The following GHRH variants were observed in gnomAD, a reference collection of about 807,000 sequenced individuals.
GHRH encodes somatoliberin.
Under a neutral mutation model 15.6 loss-of-function variants are expected in GHRH, and 7 were observed. The ratio of observed to expected loss-of-function variants is 0.45; its 90% CI spans 0.26 to 0.84. The LOEUF is 0.84. GHRH is among the 40% of genes least tolerant of loss of function. The pLI is 0.18. For missense variants in GHRH, 117 were observed against 138.0 expected (o/e 0.85, Z 0.76); for synonymous variants, 54 against 50.4 (o/e 1.07, Z -0.30).
intron 4 of GHRH, among the ~76,000 whole-genome samples, chr20:37,251,668 C>G (rs969278757): frequency 2.6e-5 from 4 of 152,184 alleles, no homozygotes; most frequent in Admixed American, 2.0e-4. Flanking sequence ...CCTGCTATGC[C>G]TCTGGTCCAG....
chr20:37,257,542 T>G lies in GHRH; in HGVS notation c.-19-634A>C, dbSNP rs567897480. Among the ~76,000 whole-genome samples the G allele has an allele frequency of 2.1e-3, 322 of 150,246 alleles. 1 individual carries two copies. The highest frequency in any genetic ancestry group is 3.7e-3 in the Non-Finnish European group (253 of 67,552). ...AAAAAAAAAAAAAAATTTAAATAAATAGAATAAATGGGATCCCTTAGCAAG... is the reference window on the plus strand; with the variant it reads ...AAAAAAAAAAAAAAATTTAAATAAAGAGAATAAATGGGATCCCTTAGCAAG... On this transcript the variant is annotated intron_variant, in intron 1 of 4. Transcript: ENST00000373614.
In GHRH at chr20:37,251,172, TGCATTTTG is replaced by T; in HGVS notation, c.*33_*40del. ...AATGAGAGGATTAACTGGATCCAGT[TGCATTTTG>T]GCTACAGGTAGCCCGGGTCACAGGA... On this transcript the variant is annotated 3_prime_UTR_variant, in exon 5 of 5. Transcript: ENST00000373614. 6.7e-7 allele frequency: 1 copy of T among 1,503,334 alleles called. No homozygotes were observed. The highest frequency in any genetic ancestry group is 2.4e-5 in the East Asian group (1 of 42,298). The allele number at this position is 1,503,334 out of a possible 1,614,324, so 93.1% of individuals were successfully genotyped here.
chr20:37,256,279 G>A (rs1434280993), intron 3 of GHRH, 115 bp downstream of exon 3: 3 of 604,252 alleles, frequency 5.0e-6, no homozygotes, highest in African/African-American at 3.7e-5. Flanking sequence ...GTCCAGAAAT[G>A]ACACTTGCTG....
intron 3 of GHRH, among the ~76,000 whole-genome samples, chr20:37,255,822 G>A (rs145848043): frequency 2.4e-4 from 37 of 152,208 alleles, no homozygotes; most frequent in African/African-American, 8.9e-4. Context: ...TTGAGGCCAG[G>A]AGTTCGAGAC....
chr20:37,255,099 C>G (rs1467714836), intron 3 of GHRH, among the ~76,000 whole-genome samples: 4 of 152,100 alleles, frequency 2.6e-5, no homozygotes, highest in Admixed American at 2.6e-4. Context: ...GCAATTTACT[C>G]TCCAATGGTT....
At position 37,251,220 on chromosome 20, in the gene GHRH, T is replaced by C; in HGVS notation, c.320A>G (p.Gln107Arg). ...ALLQKHSRNS[Q>R]G is the part of the protein sequence containing the mutation. ...GGGTCACAGGAGGAATCTTCATCCC[T>C]GGGAGTTCCTGCTGCAGAAAGAAAG... Residue 107 changes from glutamine to arginine, a missense_variant, in exon 5 of 5, where the codon CAG becomes CGG. Coordinates refer to ENST00000373614, the MANE Select transcript of GHRH (RefSeq NM_021081.6). 6.2e-7 allele frequency: 1 copy of C among 1,602,144 alleles called. No homozygotes were observed. Among genetic ancestry groups the C allele is most frequent in the Non-Finnish European group, 8.5e-7 (1 of 1,174,874 alleles).
chr20:37,258,183 A>T lies in GHRH; in HGVS notation c.-19-1275T>A, dbSNP rs540876053. 2.0e-5 allele frequency among the ~76,000 whole-genome samples: 3 copies of T among 152,340 alleles called. No homozygotes were observed. Among genetic ancestry groups the T allele is most frequent in the Non-Finnish European group, 4.4e-5 (3 of 68,022 alleles). ...CAGCCCAGACCTGCCCAAGCATGGAAACACGGCTGGCCTCGGGGGACTTGG... is the reference window on the plus strand; with the variant it reads ...CAGCCCAGACCTGCCCAAGCATGGATACACGGCTGGCCTCGGGGGACTTGG... On this transcript the variant is annotated intron_variant, in intron 1 of 4. Transcript: ENST00000373614. This position sits in a 1 kb window ranked among gnomAD's most constrained non-coding sequence, Gnocchi z 4.1.
rs2068657613 is a variant in GHRH at position 37,256,618 on chromosome 20, A to G, written c.84-120T>C. The G allele has an allele frequency of 4.1e-6, 3 of 738,896 alleles. No individual in the cohort carries two copies. The Admixed American group carries it at 7.5e-5, about 19-fold the overall frequency. 45.8% of individuals were successfully genotyped at this position (738,896 alleles called of 1,614,324 possible). A position where few individuals can be genotyped will look rare whatever the true frequency, so the allele number is the denominator to read the frequency against. ...GTTGCCATCTGTCCCACTCACCCCA[A>G]GAGAGACTCAGACCCCTCTGAGTGA... is the stretch of plus-strand genomic sequence containing the variant. On this transcript the variant is annotated intron_variant, in intron 2 of 4. Transcript: ENST00000373614.
At chr20:37,253,757 C>CT (rs374285264) in intron 4 of GHRH, among the ~76,000 whole-genome samples, 6 of 152,028 alleles carry the variant, frequency 3.9e-5, no homozygotes, top group African/African-American at 9.7e-5. Context: ...AGTTCTTCTT[C>CT]TTTTTTTATT....
chr20:37,251,377 A>T lies in GHRH; in HGVS notation c.309-146T>A, dbSNP rs931236454. The T allele has an allele frequency of 5.0e-6, 3 of 595,756 alleles. No homozygotes were observed. In the Admixed American group the frequency reaches 1.1e-4, roughly 22 times the overall value. The allele number at this position is 595,756 out of a possible 1,614,324, so 36.9% of individuals were successfully genotyped here. A position where few individuals can be genotyped will look rare whatever the true frequency, so the allele number is the denominator to read the frequency against. On this transcript the variant is annotated intron_variant, in intron 4 of 4. Coordinates refer to ENST00000373614, the MANE Select transcript of GHRH (RefSeq NM_021081.6). ...GAGGCAGTGTGGGGTGGAGGGAAGG[A>T]TGCGCAAGCATGCCAGCAAGGCGAG...
chr20:37,254,169 C>T (rs771652853), intron 4 of GHRH, 41 bp downstream of exon 4: 2 of 1,611,428 alleles, frequency 1.2e-6, no homozygotes, highest in Non-Finnish European at 1.7e-6. Flanking sequence ...GGGTAGGAAG[C>T]CCTGAAGTCC....
chr20:37,253,233 C>T (rs201652980), intron 4 of GHRH, among the ~76,000 whole-genome samples: 1 of 152,146 alleles, frequency 6.6e-6, no homozygotes, highest in East Asian at 1.9e-4. Context: ...CTGTAGACTC[C>T]CAGGAGAAAC....
chr20:37,260,663 T>C (rs1173517232), intron 1 of GHRH, among the ~76,000 whole-genome samples: 25 of 152,194 alleles, frequency 1.6e-4, no homozygotes, highest in Admixed American at 1.6e-3. Context: ...GAATGAAGTG[T>C]AGCCGAGCCC....
At chr20:37,253,179 C>G (rs554414449) in intron 4 of GHRH, among the ~76,000 whole-genome samples, 1 of 152,216 alleles carries the variant, frequency 6.6e-6, no homozygotes, top group African/African-American at 2.4e-5. Context: ...CATTCCCTGA[C>G]TTGGGGCCAG....
At chr20:37,256,696 C>A (rs1478993938) in intron 2 of GHRH, 111 bp downstream of exon 2, 1 of 886,900 alleles carries the variant, frequency 1.1e-6, no homozygotes, top group East Asian at 2.6e-5. Context: ...TGGGTGCTGC[C>A]TGGAGACATA....
chr20:37,256,574 G>T, intron 2 of GHRH, 76 bp from the exon 3 acceptor site: 1 of 911,506 alleles, frequency 1.1e-6, no homozygotes. Context: ...CACTCGCCAT[G>T]TCTCTGCAAG....
chr20:37,254,151 A>G, intron 4 of GHRH, 59 bp downstream of exon 4: 2 of 1,601,860 alleles, frequency 1.2e-6, no homozygotes, highest in Non-Finnish European at 1.7e-6. Context: ...TTTTCCTGGC[A>G]AACCACGGGG....
At chr20:37,251,664 A>G (rs951756394) in intron 4 of GHRH, among the ~76,000 whole-genome samples, 3 of 152,164 alleles carry the variant, frequency 2.0e-5, no homozygotes, top group African/African-American at 7.2e-5. Context: ...GTACCCTGCT[A>G]TGCCTCTGGT....
At chr20:37,253,330 G>A (rs1319341821) in intron 4 of GHRH, among the ~76,000 whole-genome samples, 1 of 152,214 alleles carries the variant, frequency 6.6e-6, no homozygotes, top group African/African-American at 2.4e-5. Context: ...ACCACAGGGT[G>A]TGGGAGGGCT....
Sources: allele counts gnomAD v4.1 joint callset (sites outside exome capture counted in the v4.1 genomes callset), GRCh38; gene constraint gnomAD v4.1.1; non-coding constraint Gnocchi (gnomAD v3.1); transcripts MANE v1.5; gene names NCBI Gene and HGNC (gene_info 2026-07-23, HGNC 2026-07-21).